The following DYSF variants were observed in gnomAD, a reference collection of about 807,000 sequenced individuals.
DYSF encodes the protein dysferlin, also known as dystrophy-associated fer-1-like 1.
In DYSF, 212 loss-of-function variants were observed where a neutral mutation model predicts 274.9. The observed-to-expected ratio is 0.77, with a 90% CI of 0.69 to 0.86. DYSF has a LOEUF of 0.86. DYSF is among the 40% of genes least tolerant of loss of function. The pLI is 0.00. For synonymous variants in DYSF, 1,091 were observed against 1,078.7 expected, an observed-to-expected ratio of 1.01 and a Z score of -0.22; for missense variants, 2,666 against 2,783.2, an observed-to-expected ratio of 0.96 and a Z score of 0.95.
intron 52 of DYSF, among the ~76,000 whole-genome samples, chr2:71,676,254 T>A (rs2095220395): frequency 6.6e-6 from 1 of 152,204 alleles, no homozygotes; most frequent in African/African-American, 2.4e-5. Context: ...GTTTTACTTG[T>A]TTATACTCCC....
intron 22 of DYSF, 57 bp downstream of exon 22, chr2:71,556,128 T>G: frequency 7.1e-7 from 1 of 1,411,442 alleles, no homozygotes; most frequent in Non-Finnish European, 9.8e-7. Context: ...TGGGCCTGTT[T>G]CGCTGGGAGT....
rs952363505 is a variant in DYSF at position 71,504,653 on chromosome 2, G to T, written c.345+1334G>T. Among the ~76,000 whole-genome samples the T allele has an allele frequency of 3.9e-5, 6 of 152,182 alleles. 1 individual carries two copies. The East Asian group carries it at 1.2e-3, about 29-fold the overall frequency. On this transcript the variant is annotated intron_variant, in intron 4 of 55. Coordinates refer to ENST00000410020, the MANE Select transcript of DYSF (RefSeq NM_001130987.2). ...GGCAGCTGGCGAGAGAAAGCCTTGG[G>T]GTCAGGCTTGGTTCTCACTTCCTTG...
chr2:71,626,456 A>ATG (rs1212706427), intron 41 of DYSF, among the ~76,000 whole-genome samples: 9 of 150,112 alleles, frequency 6.0e-5, no homozygotes, highest in African/African-American at 1.9e-4. Flanking sequence ...ACATATGTTA[A>ATG]TTAATAACCC....
intron 41 of DYSF, among the ~76,000 whole-genome samples, chr2:71,631,634 A>G (rs2094314450): frequency 6.6e-6 from 1 of 152,200 alleles, no homozygotes; most frequent in South Asian, 2.1e-4. Flanking sequence ...GGAGGGAATC[A>G]GGGCCGAAAT....
At position 71,527,322 on chromosome 2, in the gene DYSF, A is replaced by C. The variant is rs1481310349; in HGVS notation, c.1276+976A>C. On this transcript the variant is annotated intron_variant, in intron 13 of 55. Transcript: ENST00000410020. The stretch of plus-strand genomic sequence containing the variant: ...TTGGGTCCCTGGTTACAACTTTTCC[A>C]TAAAGGTAACTATTTGAGAGTTTCT... Among the ~76,000 whole-genome samples, 3 of 152,344 alleles carry C rather than the reference A, an allele frequency of 2.0e-5. No homozygotes were observed. In the East Asian group the frequency reaches 5.8e-4, roughly 29 times the overall value.
At chr2:71,661,872 T>C (rs1052525268) in intron 45 of DYSF, among the ~76,000 whole-genome samples, 1 of 152,102 alleles carries the variant, frequency 6.6e-6, no homozygotes, top group Admixed American at 6.5e-5. Flanking sequence ...TGGCCAGTGA[T>C]GAGCTCCCAC....
intron 30 of DYSF, among the ~76,000 whole-genome samples, chr2:71,575,821 G>A (rs11680124): frequency 0.2 from 30,260 of 151,538 alleles, 3,583 homozygotes; most frequent in East Asian, 0.36. Context: ...CCCGAGAGGT[G>A]AAGCAGGCAT....
intron 13 of DYSF, among the ~76,000 whole-genome samples, chr2:71,528,019 T>G (rs554695478): frequency 2.6e-5 from 4 of 152,322 alleles, no homozygotes; most frequent in African/African-American, 9.6e-5. Context: ...GATTTCTAAT[T>G]AGTCAGGCAG....
intron 41 of DYSF, among the ~76,000 whole-genome samples, chr2:71,628,960 A>T (rs1198128699): frequency 1.3e-5 from 2 of 152,042 alleles, no homozygotes; most frequent in Admixed American, 1.3e-4. Flanking sequence ...GCAAAAAAAA[A>T]AAAATTTAAA....
chr2:71,463,860 G>A (rs4359688), upstream of DYSF, among the ~76,000 whole-genome samples: 20,770 of 152,196 alleles, frequency 0.14, 1,594 homozygotes, highest in African/African-American at 0.2. Context: ...TCCTGGAGCT[G>A]GGGCTGCATA....
rs1252415299 is a variant in DYSF at position 71,574,222 on chromosome 2, G to A, written c.3253G>A (p.Glu1085Lys). The change falls in exon 30 of 56, where the codon GAG (glutamate) becomes AAG (lysine). Residue 1085 changes from glutamate (E) to lysine (K), a missense_variant. By Grantham distance (56) the Glu-to-Lys change is moderately conservative. Coordinates refer to ENST00000410020, the MANE Select transcript of DYSF (RefSeq NM_001130987.2). ...KRHRQAEAEG[E>K]GWEYASLFGW... ...GCACAGGCAGGCGGAGGCGGAGGGCGAGGGCTGGGAGTACGCCTCTCTTTT... is the reference window on the plus strand; with the variant it reads ...GCACAGGCAGGCGGAGGCGGAGGGCAAGGGCTGGGAGTACGCCTCTCTTTT... 1.2e-6 allele frequency: 2 copies of A among 1,613,668 alleles called. No homozygotes were observed. The highest frequency in any genetic ancestry group is 1.1e-5 in the South Asian group (1 of 91,078).
At chr2:71,455,890 A>T (rs1043125245) in intron 1 of DYSF, among the ~76,000 whole-genome samples, 1 of 151,882 alleles carries the variant, frequency 6.6e-6, no homozygotes, top group African/African-American at 2.4e-5. Context: ...CACTCAATAC[A>T]CTAGGCTTCT....
chr2:71,502,947 G>A (rs1001681559), intron 3 of DYSF, among the ~76,000 whole-genome samples: 2 of 152,174 alleles, frequency 1.3e-5, no homozygotes, highest in Non-Finnish European at 2.9e-5. Flanking sequence ...CTGGGGAGGG[G>A]CAGGAAGGGG....
chr2:71,478,195 C>T (rs1227824570), intron 1 of DYSF, among the ~76,000 whole-genome samples: 1 of 151,002 alleles, frequency 6.6e-6, no homozygotes, highest in Non-Finnish European at 1.5e-5. Flanking sequence ...AATAAAAGCT[C>T]TTTGGCATCC....
chr2:71,478,972 C>T (rs1288319459), intron 1 of DYSF, among the ~76,000 whole-genome samples: 2 of 152,076 alleles, frequency 1.3e-5, no homozygotes, highest in Non-Finnish European at 2.9e-5. Flanking sequence ...GGCTGCACCT[C>T]TCCAGGCTGG....
chr2:71,664,453 G>C lies in DYSF; in HGVS notation c.5174+15G>C. ...ACCTACTGTGTGTACGTGGATGGGG[G>C]CTGGCTGCCTGCTTCTCTGACAACA... On this transcript the variant is annotated intron_variant, in intron 46 of 55. Transcript: ENST00000410020. 1.2e-6 allele frequency: 2 copies of C among 1,613,714 alleles called. No individual in the cohort carries two copies. Among genetic ancestry groups the C allele is most frequent in the South Asian group, 1.1e-5 (1 of 91,046 alleles).
At chr2:71,454,896 A>G (rs116782304) in intron 1 of DYSF, among the ~76,000 whole-genome samples, 181 of 152,234 alleles carry the variant, frequency 1.2e-3, no homozygotes, top group African/African-American at 3.9e-3. Context: ...CAGAGCTAGG[A>G]TCTACACAGC....
chr2:71,645,569 G>A (rs966252703), intron 42 of DYSF, among the ~76,000 whole-genome samples: 6 of 151,802 alleles, frequency 4.0e-5, no homozygotes, highest in African/African-American at 4.8e-5. Flanking sequence ...ACAGAATGGG[G>A]GTGTGGCAGG....
At chr2:71,550,797 T>C (rs1357497447) in intron 17 of DYSF, among the ~76,000 whole-genome samples, 1 of 152,228 alleles carries the variant, frequency 6.6e-6, no homozygotes, top group Non-Finnish European at 1.5e-5. Context: ...TTTCCTCATC[T>C]GTAAAATGAG....
Sources: gnomAD v4.1 joint callset for allele counts (sites outside exome capture counted in the v4.1 genomes callset) on GRCh38, gnomAD v4.1.1 for gene constraint, MANE v1.5 for transcripts, NCBI Gene and HGNC (gene_info 2026-07-23, HGNC 2026-07-21) for gene names.